The following SSX2IP variants were observed in gnomAD, a reference collection of about 807,000 sequenced individuals.
SSX2IP encodes SSX family member 2 interacting protein.
SSX2IP carries 55 observed loss-of-function variants against 84.9 expected under a neutral mutation model. The ratio of observed to expected loss-of-function variants is 0.65; its 90% CI spans 0.52 to 0.81. The LOEUF (loss-of-function observed/expected upper bound fraction) is 0.81. SSX2IP is among the 30% of genes least tolerant of loss of function. The probability of loss-of-function intolerance (pLI) is 0.00; values close to 1 mark genes in which losing one functional copy is unlikely to be tolerated. For missense variants in SSX2IP, 664 were observed against 705.2 expected, an observed-to-expected ratio of 0.94 and a Z score of 0.66; for synonymous variants, 239 against 234.7, an observed-to-expected ratio of 1.02 and a Z score of -0.17.
At position 84,669,877 on chromosome 1, in the gene SSX2IP, C is replaced by A; in HGVS notation, c.230G>T (p.Gly77Val). 6.2e-7 allele frequency: 1 copy of A among 1,612,658 alleles called. No homozygotes were observed. Among genetic ancestry groups the A allele is most frequent in the Non-Finnish European group, 8.5e-7 (1 of 1,179,226 alleles). The change falls in exon 4 of 14, where the codon GGT becomes GTT. Residue 77 changes from glycine (G) to valine (V), a missense_variant. Coordinates refer to ENST00000342203, the MANE Select transcript of SSX2IP (RefSeq NM_001166293.2). ...GGATTCTTCATATAATGAAGGAAAA[C>A]CAAAAGTAGTCAATTCCTGGTAGGA... ...SYLDQELTTF[G>V]FPSLYEESKG...
At chr1:84,688,900 G>T (rs1309296913) in intron 1 of SSX2IP, among the ~76,000 whole-genome samples, 1 of 152,144 alleles carries the variant, frequency 6.6e-6, no homozygotes, top group African/African-American at 2.4e-5. Context: ...AAATGACTTG[G>T]CCTAAGAGGT....
chr1:84,647,663 T>G lies in SSX2IP; in HGVS notation c.1671-56A>C, dbSNP rs978863995. On this transcript the variant is annotated intron_variant, in intron 13 of 13. Coordinates refer to ENST00000342203, the MANE Select transcript of SSX2IP (RefSeq NM_001166293.2). ...ACTATCCTCTCCTTCTTTTGTACTT[T>G]AACCTCATAATGTGGCACTCTTCAA... 2.2e-5 allele frequency: 29 copies of G among 1,294,958 alleles called. No individual in the cohort carries two copies. In the Admixed American group the frequency reaches 7.4e-4, roughly 33 times the overall value. The allele number at this position is 1,294,958 out of a possible 1,614,324, so 80.2% of individuals were successfully genotyped here.
chr1:84,667,853 T>C (rs1652978710), intron 4 of SSX2IP, among the ~76,000 whole-genome samples: 1 of 152,150 alleles, frequency 6.6e-6, no homozygotes, highest in African/African-American at 2.4e-5. Flanking sequence ...TTCCCTTGCG[T>C]CCTACCCCAA....
At position 84,662,337 on chromosome 1, in the gene SSX2IP, T is replaced by C. The variant is rs904715743; in HGVS notation, c.788A>G (p.Tyr263Cys). Reference sequence around the variant, plus strand: ...TAGGATTTGTTTCTGACGATATTCATAATCATTCAAGAGAATTTTATACAT... The same window carrying C: ...TAGGATTTGTTTCTGACGATATTCACAATCATTCAAGAGAATTTTATACAT... ...DEMYKILLND[Y>C]EYRQKQILME... Residue 263 changes from tyrosine (Y) to cysteine (C), a missense_variant, in exon 8 of 14, where the codon TAT (tyrosine) becomes TGT (cysteine). Physicochemically the swap from Tyr to Cys is radical, Grantham distance 194. Coordinates refer to ENST00000342203, the MANE Select transcript of SSX2IP (RefSeq NM_001166293.2). 9 of 1,608,428 alleles carry C rather than the reference T, an allele frequency of 5.6e-6. 1 individual carries two copies. The Admixed American group carries it at 1.0e-4, about 18-fold the overall frequency.
intron 1 of SSX2IP, among the ~76,000 whole-genome samples, chr1:84,676,292 G>GT (rs551551006): frequency 8.5e-4 from 130 of 152,278 alleles, no homozygotes; most frequent in Non-Finnish European, 1.3e-3. Context: ...TAGGTAACAC[G>GT]TATATAGCCA....
intron 2 of SSX2IP, 140 bp downstream of exon 2, chr1:84,671,037 G>T: frequency 1.9e-6 from 2 of 1,077,028 alleles, no homozygotes; most frequent in Non-Finnish European, 2.6e-6. Flanking sequence ...GTTCTCAGTA[G>T]ACATGAAAAT....
intron 4 of SSX2IP, among the ~76,000 whole-genome samples, chr1:84,666,721 C>T (rs575703031): frequency 2.6e-5 from 4 of 152,184 alleles, no homozygotes; most frequent in Admixed American, 2.6e-4. Flanking sequence ...AGAAATGGGA[C>T]TTCTGTGTGA....
At chr1:84,650,178 C>T (rs1650016562) in intron 13 of SSX2IP, 184 bp downstream of exon 13, 2 of 636,556 alleles carry the variant, frequency 3.1e-6, no homozygotes, top group South Asian at 1.9e-5. Context: ...AGTGTATTTC[C>T]AGCATCTAGC....
chr1:84,684,859 T>C (rs1472651414), intron 1 of SSX2IP, among the ~76,000 whole-genome samples: 1 of 152,114 alleles, frequency 6.6e-6, no homozygotes, highest in African/African-American at 2.4e-5. Flanking sequence ...ATAGGGCATG[T>C]AATATATACA....
rs1323889609 is a variant in SSX2IP, at chr1:84,645,776, T to C, written c.*1657A>G. Reference sequence around the variant, plus strand: ...CTAGATTTCTTCCTTTAGCATATGGTAGTGTCTTCGATATTTTGTACAATG... The same window carrying C: ...CTAGATTTCTTCCTTTAGCATATGGCAGTGTCTTCGATATTTTGTACAATG... On this transcript the variant is annotated 3_prime_UTR_variant, in exon 14 of 14. Transcript: ENST00000342203. 6.6e-6 allele frequency: 1 copy of C among 152,202 alleles called. No individual in the cohort carries two copies. Among genetic ancestry groups the C allele is most frequent in the Non-Finnish European group, 1.5e-5 (1 of 68,032 alleles). 9.4% of individuals were successfully genotyped at this position (152,202 alleles called of 1,614,324 possible).
At position 84,643,803 on chromosome 1, in the gene SSX2IP, A is replaced by T. The variant is rs988277300; in HGVS notation, c.*3630T>A. ...TTTCTGAAGCTCAAATATATGAATGAGGTGGATCTTTATCAGGAGCTTCAT... is the reference window on the plus strand; with the variant it reads ...TTTCTGAAGCTCAAATATATGAATGTGGTGGATCTTTATCAGGAGCTTCAT... On this transcript the variant is annotated 3_prime_UTR_variant, in exon 14 of 14. Transcript: ENST00000342203. 6.6e-6 allele frequency: 1 copy of T among 151,748 alleles called. No homozygotes were observed. The highest frequency in any genetic ancestry group is 1.5e-5 in the Non-Finnish European group (1 of 67,894). 9.4% of individuals were successfully genotyped at this position (151,748 alleles called of 1,614,324 possible). A position where few individuals can be genotyped will look rare whatever the true frequency, so the allele number is the denominator to read the frequency against.
chr1:84,651,717 G>C (rs543944946), intron 12 of SSX2IP, among the ~76,000 whole-genome samples, 166 bp downstream of exon 12: 2 of 152,220 alleles, frequency 1.3e-5, no homozygotes, highest in African/African-American at 4.8e-5. Flanking sequence ...GACAGAGCAA[G>C]ACTCCGTCTC....
intron 1 of SSX2IP, among the ~76,000 whole-genome samples, chr1:84,671,904 C>T (rs752580806): frequency 6.6e-6 from 1 of 151,904 alleles, no homozygotes; most frequent in South Asian, 2.1e-4. Flanking sequence ...ATGCTGTGTA[C>T]AAAGATAATC....
In SSX2IP at chr1:84,658,603, T is replaced by A. The variant is rs552882672; in HGVS notation, c.928-135A>T. On this transcript the variant is annotated intron_variant, in intron 8 of 13. Coordinates refer to ENST00000342203, the MANE Select transcript of SSX2IP (RefSeq NM_001166293.2). ...TTCTGTGCTGTGTCTTATGCATATA[T>A]GGCCCAGTATTTAAATGTCTTGAGA... is the stretch of plus-strand genomic sequence containing the variant. 5.2e-5 allele frequency: 51 copies of A among 984,192 alleles called. No homozygotes were observed. The African/African-American group carries it at 8.4e-4, about 16-fold the overall frequency. The allele number at this position is 984,192 out of a possible 1,614,324, so 61.0% of individuals were successfully genotyped here. A position where few individuals can be genotyped will look rare whatever the true frequency, so the allele number is the denominator to read the frequency against.
At chr1:84,659,988 A>T (rs1037985985) in intron 8 of SSX2IP, among the ~76,000 whole-genome samples, 2 of 151,966 alleles carry the variant, frequency 1.3e-5, no homozygotes, top group South Asian at 2.1e-4. Flanking sequence ...CTGGGCAACA[A>T]GACCCTGCCT....
chr1:84,671,977 G>A (rs557352240), intron 1 of SSX2IP, among the ~76,000 whole-genome samples: 1 of 152,240 alleles, frequency 6.6e-6, no homozygotes, highest in East Asian at 1.9e-4. Context: ...ATAGAAGAAT[G>A]AGTAAATAAA....
At chr1:84,669,923 G>T in intron 3 of SSX2IP, 30 bp from the exon 4 acceptor site, 1 of 1,565,984 alleles carries the variant, frequency 6.4e-7, no homozygotes, top group South Asian at 1.1e-5. Flanking sequence ...TCTTAAAGTT[G>T]GTTACAGTTG....
chr1:84,679,488 C>T (rs1402112880), intron 1 of SSX2IP, among the ~76,000 whole-genome samples: 1 of 152,122 alleles, frequency 6.6e-6, no homozygotes, highest in Non-Finnish European at 1.5e-5. Flanking sequence ...TAATAATGTG[C>T]CTTCCTGATG....
chr1:84,652,900 C>T (rs554798761), intron 11 of SSX2IP, among the ~76,000 whole-genome samples: 24 of 151,726 alleles, frequency 1.6e-4, no homozygotes, highest in Non-Finnish European at 2.5e-4. Context: ...GGTGTGGTGG[C>T]GGGTGCCTGT....
Sources: allele counts gnomAD v4.1 joint callset (sites outside exome capture counted in the v4.1 genomes callset), GRCh38; gene constraint gnomAD v4.1.1; transcripts MANE v1.5; gene names NCBI Gene and HGNC (gene_info 2026-07-23, HGNC 2026-07-21).